Variants in PLXNA4 observed in about 807,000 individuals in gnomAD.
The protein encoded by PLXNA4 is plexin A4.
In PLXNA4, 44 loss-of-function variants were observed where a neutral mutation model predicts 191.8. The ratio of observed to expected loss-of-function variants is 0.23; its 90% CI spans 0.18 to 0.29. The LOEUF is 0.29. Among genes scored for constraint, PLXNA4 ranks in the 10% least tolerant of loss-of-function variants. The probability of loss-of-function intolerance (pLI) is 1.00; values close to 1 mark genes in which losing one functional copy is unlikely to be tolerated. For missense variants in PLXNA4, 1,800 were observed against 2,488.8 expected, an observed-to-expected ratio of 0.72 and a Z score of 5.89; for synonymous variants, 1,082 against 1,009.5, an observed-to-expected ratio of 1.07 and a Z score of -1.36.
At chr7:132,312,194 CCTT>C (rs1563028195) in intron 3 of PLXNA4, among the ~76,000 whole-genome samples, 1 of 144,662 alleles carries the variant, frequency 6.9e-6, no homozygotes, top group East Asian at 1.9e-4. Flanking sequence ...ATGGGTTACT[CCTT>C]CTGCCAGAAG....
intron 1 of PLXNA4, among the ~76,000 whole-genome samples, chr7:132,527,160 A>G (rs567168036): frequency 6.6e-6 from 1 of 152,310 alleles, no homozygotes; most frequent in South Asian, 2.1e-4. Context: ...CTCTGGACCC[A>G]ATGTGGCCAA....
At chr7:132,247,218 G>C (rs780912088) in intron 4 of PLXNA4, among the ~76,000 whole-genome samples, 1 of 152,174 alleles carries the variant, frequency 6.6e-6, no homozygotes, top group Non-Finnish European at 1.5e-5. Flanking sequence ...ATAGCATGCA[G>C]TCTCTGTGTG....
intron 2 of PLXNA4, among the ~76,000 whole-genome samples, chr7:132,591,799 C>A (rs921863079): frequency 6.6e-5 from 10 of 152,180 alleles, no homozygotes; most frequent in African/African-American, 2.4e-4. Context: ...CTGCCACAGT[C>A]CTTCCCAACT....
intron 27 of PLXNA4, 52 bp from the exon 28 acceptor site, chr7:132,146,752 C>A: frequency 2.5e-6 from 4 of 1,595,972 alleles, no homozygotes; most frequent in South Asian, 1.1e-5. Flanking sequence ...ACAGCCTTAG[C>A]CCATCACTTA....
chr7:132,480,614 C>G (rs1158816062), intron 3 of PLXNA4, among the ~76,000 whole-genome samples: 1 of 152,028 alleles, frequency 6.6e-6, no homozygotes, highest in African/African-American at 2.4e-5. Context: ...CACACAGTCC[C>G]ACAGGCTCTA....
chr7:132,138,029 G>C (rs1402419059), intron 30 of PLXNA4, among the ~76,000 whole-genome samples: 1 of 152,096 alleles, frequency 6.6e-6, no homozygotes, highest in Non-Finnish European at 1.5e-5. Context: ...GAAAAGATGA[G>C]TGGGAGGGTA....
intron 2 of PLXNA4, among the ~76,000 whole-genome samples, chr7:132,607,201 A>G (rs1208030687): frequency 6.6e-6 from 1 of 152,176 alleles, no homozygotes; most frequent in Non-Finnish European, 1.5e-5. Context: ...TCCAGTTCCC[A>G]GAGGCTGACC....
chr7:132,278,839 A>G (rs574128360), intron 4 of PLXNA4, among the ~76,000 whole-genome samples: 21 of 152,316 alleles, frequency 1.4e-4, no homozygotes, highest in African/African-American at 4.6e-4. Flanking sequence ...GTTTATGTCT[A>G]TAACTAAGAA....
intron 1 of PLXNA4, among the ~76,000 whole-genome samples, chr7:132,556,779 G>A (rs1489695153): frequency 6.6e-6 from 1 of 152,210 alleles, no homozygotes; most frequent in Non-Finnish European, 1.5e-5. Flanking sequence ...AAGACTGAGA[G>A]TCACATTTAT....
intron 3 of PLXNA4, among the ~76,000 whole-genome samples, chr7:132,436,009 G>T (rs1795457645): frequency 6.6e-6 from 1 of 152,192 alleles, no homozygotes; most frequent in Non-Finnish European, 1.5e-5. Context: ...CCCGAACCCT[G>T]CTCCTCACAG....
At chr7:132,599,798 A>G (rs1242086904) in intron 2 of PLXNA4, among the ~76,000 whole-genome samples, 1 of 152,008 alleles carries the variant, frequency 6.6e-6, no homozygotes, top group East Asian at 1.9e-4. Context: ...AATTTTTTTC[A>G]ATAAAGATAA....
intron 4 of PLXNA4, among the ~76,000 whole-genome samples, chr7:132,258,782 T>C (rs2116219671): frequency 6.6e-6 from 1 of 152,330 alleles, no homozygotes; most frequent in Admixed American, 6.5e-5. Flanking sequence ...CTAACCTAAT[T>C]CTAGGACCAA....
At chr7:132,369,460 C>T (rs1350765904) in intron 3 of PLXNA4, among the ~76,000 whole-genome samples, 1 of 152,100 alleles carries the variant, frequency 6.6e-6, no homozygotes, top group African/African-American at 2.4e-5. Flanking sequence ...CCTCAAGAAG[C>T]CTTCCAAGGA....
chr7:132,286,066 C>T (rs1800671688), intron 4 of PLXNA4, among the ~76,000 whole-genome samples: 2 of 152,206 alleles, frequency 1.3e-5, no homozygotes, highest in African/African-American at 4.8e-5. Context: ...TCTTTTTCTT[C>T]CCTGATCCCT....
intron 21 of PLXNA4, among the ~76,000 whole-genome samples, chr7:132,172,828 C>T (rs1160586944): frequency 6.6e-6 from 1 of 152,004 alleles, no homozygotes; most frequent in Non-Finnish European, 1.5e-5. Context: ...GAATTTTGAA[C>T]TCATGAAGAA....
At chr7:132,287,592 T>C (rs1480390604) in intron 4 of PLXNA4, among the ~76,000 whole-genome samples, 1 of 152,102 alleles carries the variant, frequency 6.6e-6, no homozygotes, top group Admixed American at 6.5e-5. Flanking sequence ...ATCCTGCACA[T>C]GCTTATACTT....
chr7:132,496,468 C>G (rs1034298576), intron 2 of PLXNA4, among the ~76,000 whole-genome samples: 7 of 152,134 alleles, frequency 4.6e-5, no homozygotes, highest in African/African-American at 1.7e-4. Flanking sequence ...GTGGCACAAT[C>G]TTGGCTCACT....
rs749196607 is a variant in PLXNA4, at chr7:132,203,349, T to C, written c.2369A>G (p.Asn790Ser). 1 of 1,614,054 alleles carries C rather than the reference T, an allele frequency of 6.2e-7. No homozygotes were observed. The highest frequency in any genetic ancestry group is 1.3e-5 in the African/African-American group (1 of 75,018). Residue 790 changes from asparagine to serine, a missense_variant, in exon 11 of 32, where the codon AAC becomes AGC. Around this residue, in one of 6 missense-constraint regions of PLXNA4, gnomAD observed 1,397 missense variants for 1,880.4 expected, o/e 0.74. Transcript: ENST00000321063. ...TTTATTCTGAGCTGGGTTGTCAATG[T>C]TGAAGTGCCCATTCCACACGACTGT... The part of the protein sequence containing the change: ...ELTVVWNGHF[N>S]IDNPAQNKVH...
At chr7:132,287,210 A>G (rs1045593087) in intron 4 of PLXNA4, among the ~76,000 whole-genome samples, 1 of 152,038 alleles carries the variant, frequency 6.6e-6, no homozygotes, top group African/African-American at 2.4e-5. Flanking sequence ...AACTTTTTGT[A>G]TTTTTAGTAA....
Sources: allele counts gnomAD v4.1 joint callset (sites outside exome capture counted in the v4.1 genomes callset), GRCh38; gene constraint gnomAD v4.1.1; regional missense constraint gnomAD v4.1.1; transcripts MANE v1.5; gene names NCBI Gene and HGNC (gene_info 2026-07-23, HGNC 2026-07-21).